STPG2: variants seen among roughly 807,000 people sequenced by gnomAD.
The protein encoded by STPG2 is sperm tail PG-rich repeat containing 2.
In STPG2, 56 loss-of-function variants were observed where a neutral mutation model predicts 54.2. The ratio of observed to expected loss-of-function variants is 1.03; its 90% CI spans 0.83 to 1.29. The LOEUF (loss-of-function observed/expected upper bound fraction) is 1.29. STPG2 is among the 50% of genes most tolerant of loss of function. STPG2 has a pLI of 0.00. For synonymous variants in STPG2, 200 were observed against 181.8 expected (o/e 1.10, Z -0.81); for missense variants, 596 against 544.9 (o/e 1.09, Z -0.93).
At chr4:97,642,468 C>A (rs11930051) in intron 10 of STPG2, among the ~76,000 whole-genome samples, 2,611 of 151,258 alleles carry the variant, frequency 0.017, 67 homozygotes, top group African/African-American at 0.058. Flanking sequence ...GAATTTTGAT[C>A]TATAAATATT....
At chr4:97,631,162 T>A (rs1721265197) in intron 10 of STPG2, among the ~76,000 whole-genome samples, 1 of 152,036 alleles carries the variant, frequency 6.6e-6, no homozygotes, top group Non-Finnish European at 1.5e-5. Context: ...GATAAGCAAT[T>A]ACAAATAGAG....
chr4:98,011,895 CT>C (rs749847828), intron 5 of STPG2, among the ~76,000 whole-genome samples: 174 of 152,160 alleles, frequency 1.1e-3, no homozygotes, highest in Non-Finnish European at 1.6e-3. Context: ...CATTTTTCTC[CT>C]ATTCTGTAGG....
At chr4:97,580,836 T>C (rs1732846366) in intron 10 of STPG2, among the ~76,000 whole-genome samples, 1 of 152,090 alleles carries the variant, frequency 6.6e-6, no homozygotes, top group Non-Finnish European at 1.5e-5. Flanking sequence ...ATGTGAAATA[T>C]AATTAAATTT....
At chr4:97,547,022 A>T (rs1420356945) in intron 4 of STPG2, among the ~76,000 whole-genome samples, 3 of 152,192 alleles carry the variant, frequency 2.0e-5, no homozygotes, top group African/African-American at 4.8e-5. Flanking sequence ...TTTTAAAAAA[A>T]ATATTTTTCA....
chr4:97,640,479 A>G (rs1270696699), intron 10 of STPG2, among the ~76,000 whole-genome samples: 1 of 151,972 alleles, frequency 6.6e-6, no homozygotes, highest in Non-Finnish European at 1.5e-5. Flanking sequence ...AAATGAGTCA[A>G]TAATTTTTAA....
At chr4:97,514,642 G>A (rs1044242783) in intron 4 of STPG2, among the ~76,000 whole-genome samples, 1 of 152,018 alleles carries the variant, frequency 6.6e-6, no homozygotes, top group Admixed American at 6.6e-5. Flanking sequence ...AGCTTCAAGG[G>A]TATAGGCTTT....
chr4:97,741,269 A>T (rs1347595127), intron 9 of STPG2, among the ~76,000 whole-genome samples: 3 of 152,180 alleles, frequency 2.0e-5, no homozygotes, highest in Non-Finnish European at 4.4e-5. Flanking sequence ...CCTAGAAGAA[A>T]ACCTAGGCAT....
intron 4 of STPG2, among the ~76,000 whole-genome samples, chr4:97,478,870 A>G (rs1730144379): frequency 7.9e-6 from 1 of 126,996 alleles, no homozygotes; most frequent in South Asian, 2.7e-4. Flanking sequence ...AACCAAGCCA[A>G]ATATGTGTGT....
At chr4:97,804,868 A>G (rs1317494492) in intron 9 of STPG2, among the ~76,000 whole-genome samples, 2 of 152,118 alleles carry the variant, frequency 1.3e-5, no homozygotes, top group African/African-American at 4.8e-5. Context: ...ACAGTTGCCT[A>G]TAGTATTCAG....
chr4:97,747,520 A>G (rs559127186), intron 9 of STPG2, among the ~76,000 whole-genome samples: 1 of 151,482 alleles, frequency 6.6e-6, no homozygotes, highest in African/African-American at 2.4e-5. Flanking sequence ...AACTTTTTAC[A>G]AATTTAAGGA....
At chr4:97,969,969 T>C (rs1734263534) in intron 7 of STPG2, among the ~76,000 whole-genome samples, 4 of 152,162 alleles carry the variant, frequency 2.6e-5, no homozygotes, top group Admixed American at 2.6e-4. Flanking sequence ...AGTCTCTGGA[T>C]ACAAAATCAA....
chr4:97,649,817 G>T (rs1419914059), intron 10 of STPG2, among the ~76,000 whole-genome samples: 1 of 152,112 alleles, frequency 6.6e-6, no homozygotes, highest in African/African-American at 2.4e-5. Context: ...GTTTTCCACA[G>T]ACCAGGGGGG....
chr4:97,465,523 T>C (rs1327322114), intron 4 of STPG2, among the ~76,000 whole-genome samples: 1 of 152,146 alleles, frequency 6.6e-6, no homozygotes, highest in African/African-American at 2.4e-5. Flanking sequence ...ATATGAATCA[T>C]ATATTTCATA....
At chr4:98,058,524 A>G (rs1373588671) in intron 5 of STPG2, among the ~76,000 whole-genome samples, 1 of 152,218 alleles carries the variant, frequency 6.6e-6, no homozygotes, top group African/African-American at 2.4e-5. Flanking sequence ...TCCTATATAT[A>G]CAGGTACCCA....
At chr4:97,893,580 G>C (rs1730849161) in intron 8 of STPG2, among the ~76,000 whole-genome samples, 1 of 151,934 alleles carries the variant, frequency 6.6e-6, no homozygotes, top group Non-Finnish European at 1.5e-5. Context: ...CAATGGAAAA[G>C]AAAAATCATC....
intron 9 of STPG2, among the ~76,000 whole-genome samples, chr4:97,757,226 T>C (rs1725757863): frequency 6.6e-6 from 1 of 152,208 alleles, no homozygotes; most frequent in African/African-American, 2.4e-5. Context: ...CCTCATTATC[T>C]CATCCTTTTC....
At position 97,951,302 on chromosome 4, in the gene STPG2, G is replaced by C. The variant is rs151257054; in HGVS notation, c.934-7295C>G. The stretch of plus-strand genomic sequence containing the variant: ...ACATTTTCTCTATTGCAGTTCCCCT[G>C]TCTTGATAAATTGGCTCTCTCCAGG... On this transcript the variant is annotated intron_variant, in intron 7 of 10. Coordinates refer to ENST00000295268, the MANE Select transcript of STPG2 (RefSeq NM_174952.3). Among the ~76,000 whole-genome samples, 1,246 of 152,238 alleles carry C rather than the reference G, an allele frequency of 8.2e-3. 7 individuals carry two copies. The highest frequency in any genetic ancestry group is 0.013 in the Non-Finnish European group (912 of 68,018).
At chr4:97,659,585 G>C (rs72892812) in intron 10 of STPG2, among the ~76,000 whole-genome samples, 18,458 of 152,152 alleles carry the variant, frequency 0.12, 3,196 homozygotes, top group African/African-American at 0.39. Flanking sequence ...ACTTTTGAAG[G>C]AGTTATTTCA....
chr4:97,715,240 C>A (rs1392049897), intron 9 of STPG2, among the ~76,000 whole-genome samples: 5 of 152,124 alleles, frequency 3.3e-5, no homozygotes, highest in African/African-American at 1.2e-4. Context: ...TCATTCATAG[C>A]TAGATTATGC....
Sources: allele counts gnomAD v4.1 joint callset (sites outside exome capture counted in the v4.1 genomes callset), GRCh38; gene constraint gnomAD v4.1.1; transcripts MANE v1.5; gene names NCBI Gene and HGNC (gene_info 2026-07-23, HGNC 2026-07-21).